YWHAZ: variants seen among roughly 807,000 people sequenced by gnomAD.
YWHAZ encodes tyrosine 3-monooxygenase/tryptophan 5-monooxygenase activation protein zeta.
For synonymous variants in YWHAZ, 87 were observed against 103.6 expected (o/e 0.84, Z 0.97); for missense variants, 79 against 284.8 (o/e 0.28, Z 5.20).
upstream of YWHAZ, chr8:100,952,861 G>A: frequency 1.0e-6 from 1 of 1,000,438 alleles, no homozygotes; most frequent in Non-Finnish European, 1.2e-6. Flanking sequence ...TGCTGGCTCG[G>A]GGGAAGCGGT....
chr8:100,949,253 A>G (rs545469734), intron 1 of YWHAZ, among the ~76,000 whole-genome samples: 1 of 152,354 alleles, frequency 6.6e-6, no homozygotes, highest in African/African-American at 2.4e-5. Flanking sequence ...AATACCACTA[A>G]GTGATCCAAA....
chr8:100,950,100 CATTTTAAACAAATAATT>C (rs1810597921), intron 1 of YWHAZ, among the ~76,000 whole-genome samples: 1 of 152,198 alleles, frequency 6.6e-6, no homozygotes, highest in Non-Finnish European at 1.5e-5. Flanking sequence ...CAGGTCGCCA[CATTTTAAACAAATAATT>C]AACCACTTTG....
At chr8:100,952,754 C>T, upstream of YWHAZ, 4 of 987,252 alleles carry the variant, frequency 4.1e-6, no homozygotes, top group Non-Finnish European at 4.9e-6. Context: ...GTGTGTGGTG[C>T]GCTGCCCCCC....
At position 100,919,291 on chromosome 8, in the gene YWHAZ, T is replaced by C. The variant is rs1393083530; in HGVS notation, c.*1402A>G. On this transcript the variant is annotated 3_prime_UTR_variant, in exon 6 of 6. Coordinates refer to ENST00000395958, the MANE Select transcript of YWHAZ (RefSeq NM_145690.3). ...GCAGGCTATAAGAGTATCAAGAAAT[T>C]CTTAAAAACCAAAAAGTGATTTGGA... The C allele has an allele frequency of 6.5e-6, 1 of 152,742 alleles. No individual in the cohort carries two copies. Among genetic ancestry groups the C allele is most frequent in the East Asian group, 1.9e-4 (1 of 5,192 alleles). The allele number at this position is 152,742 out of a possible 1,614,324, so 9.5% of individuals were successfully genotyped here. A position where few individuals can be genotyped will look rare whatever the true frequency, so the allele number is the denominator to read the frequency against.
chr8:100,951,658 C>G (rs1810795888), intron 1 of YWHAZ: 3 of 985,232 alleles, frequency 3.0e-6, no homozygotes, highest in Non-Finnish European at 1.2e-6. Flanking sequence ...GGGCGCCCTA[C>G]CCACCCCCGG....
At chr8:100,944,006 A>G (rs1262859345) in intron 2 of YWHAZ, among the ~76,000 whole-genome samples, 4 of 149,506 alleles carry the variant, frequency 2.7e-5, no homozygotes, top group East Asian at 2.0e-4. Flanking sequence ...AAGAAAAAAG[A>G]AAAAAAGAAA....
At chr8:100,930,205 T>C (rs551306486) in intron 2 of YWHAZ, among the ~76,000 whole-genome samples, 1 of 152,350 alleles carries the variant, frequency 6.6e-6, no homozygotes, top group South Asian at 2.1e-4. Flanking sequence ...TTCAAGTGAT[T>C]CTTCTGCCTC....
intron 2 of YWHAZ, among the ~76,000 whole-genome samples, chr8:100,927,354 C>T (rs560835566): frequency 6.6e-6 from 1 of 152,228 alleles, no homozygotes; most frequent in Middle Eastern, 3.4e-3. Context: ...GAGATCCTGC[C>T]TCTACAAAAA....
rs1394024866 is a variant in YWHAZ, at chr8:100,917,035, C to T, written c.*3658G>A. ...AATCAAGCCAAATTTATTTCTTGAC[C>T]TTTCCCTAGAGGAATGTGTAAGACC... On this transcript the variant is annotated 3_prime_UTR_variant, in exon 6 of 6. Coordinates refer to ENST00000395958, the MANE Select transcript of YWHAZ (RefSeq NM_145690.3). 6.6e-6 allele frequency: 1 copy of T among 152,186 alleles called. No individual in the cohort carries two copies. Among genetic ancestry groups the T allele is most frequent in the East Asian group, 1.9e-4 (1 of 5,206 alleles). The allele number at this position is 152,186 out of a possible 1,614,324, so 9.4% of individuals were successfully genotyped here.
At chr8:100,951,485 C>A (rs1563695120) in intron 1 of YWHAZ, 2 of 985,864 alleles carry the variant, frequency 2.0e-6, no homozygotes, top group Admixed American at 6.1e-5. Flanking sequence ...GCCGCCGCCG[C>A]CGCCGAGTCA....
At chr8:100,952,163 G>A, upstream of YWHAZ, 1 of 985,138 alleles carries the variant, frequency 1.0e-6, no homozygotes, top group Non-Finnish European at 1.2e-6. Flanking sequence ...CACAGCGATC[G>A]GGGCCCCGCG....
At position 100,918,441 on chromosome 8, in the gene YWHAZ, T is replaced by TATATAA. The variant is rs1563661969; in HGVS notation, c.*2251_*2252insTTATAT. The stretch of plus-strand genomic sequence containing the variant: ...ATATATATATATATATATATATATA[T>TATATAA]ATAATTATTTTACCTCCTTGGCTTG... On this transcript the variant is annotated 3_prime_UTR_variant, in exon 6 of 6. Coordinates refer to ENST00000395958, the MANE Select transcript of YWHAZ (RefSeq NM_145690.3). 1 of 120,822 alleles carries TATATAA rather than the reference T, an allele frequency of 8.3e-6. No homozygotes were observed. Among genetic ancestry groups the TATATAA allele is most frequent in the Non-Finnish European group, 1.7e-5 (1 of 58,308 alleles). The allele number at this position is 120,822 out of a possible 1,614,324, so 7.5% of individuals were successfully genotyped here.
intron 2 of YWHAZ, among the ~76,000 whole-genome samples, chr8:100,928,302 C>T (rs1813510975): frequency 6.6e-6 from 1 of 151,232 alleles, no homozygotes; most frequent in Admixed American, 6.6e-5. Context: ...TTGAGAAAGG[C>T]ATAAATGGCC....
intron 2 of YWHAZ, among the ~76,000 whole-genome samples, chr8:100,935,550 T>C (rs889423403): frequency 1.3e-4 from 20 of 152,324 alleles, no homozygotes; most frequent in African/African-American, 4.3e-4. Flanking sequence ...ATTTAAAATA[T>C]GTGAGTGCTG....
At chr8:100,952,054 C>G (rs1238209837), upstream of YWHAZ, 6 of 989,070 alleles carry the variant, frequency 6.1e-6, no homozygotes, top group South Asian at 2.7e-4. Context: ...TACAGCCGCT[C>G]CGCAGACACG....
chr8:100,952,079 C>T (rs768697547), upstream of YWHAZ: 19 of 987,194 alleles, frequency 1.9e-5, no homozygotes, highest in Admixed American at 6.1e-5. Context: ...TTCCTCCAAT[C>T]ACCAGCCCCG....
At position 100,917,457 on chromosome 8, in the gene YWHAZ, C is replaced by T. The variant is rs1309470232; in HGVS notation, c.*3236G>A. 12 of 152,168 alleles carry T rather than the reference C, an allele frequency of 7.9e-5. No individual in the cohort carries two copies. Among genetic ancestry groups the T allele is most frequent in the Middle Eastern group, 3.1e-3 (1 of 320 alleles). 9.4% of individuals were successfully genotyped at this position (152,168 alleles called of 1,614,324 possible). On this transcript the variant is annotated 3_prime_UTR_variant, in exon 6 of 6. Transcript: ENST00000395958. ...ATACCAGGGTGGGCACAGTGGCTCA[C>T]GCCTGTAATCCCAGCACTTTGGGAG... is the stretch of plus-strand genomic sequence containing the variant.
At chr8:100,939,787 C>T (rs575396484) in intron 2 of YWHAZ, among the ~76,000 whole-genome samples, 50 of 152,174 alleles carry the variant, frequency 3.3e-4, no homozygotes, top group South Asian at 8.3e-4. Flanking sequence ...TTTGGGAGGC[C>T]GAGGCAGGCG....
intron 2 of YWHAZ, 150 bp from the exon 3 acceptor site, chr8:100,925,189 A>G: frequency 1.2e-6 from 1 of 848,732 alleles, no homozygotes; most frequent in Non-Finnish European, 1.8e-6. Context: ...CTGGCACATG[A>G]ATTTGTGGTT....
Sources: allele counts gnomAD v4.1 joint callset (sites outside exome capture counted in the v4.1 genomes callset), GRCh38; gene constraint gnomAD v4.1.1; transcripts MANE v1.5; gene names NCBI Gene and HGNC (gene_info 2026-07-23, HGNC 2026-07-21).